Variants in RBFOX1 observed in about 807,000 individuals in gnomAD.
RBFOX1 encodes the protein RNA binding fox-1 homolog 1.
In RBFOX1, 8 loss-of-function variants were observed where a neutral mutation model predicts 57.7. The observed-to-expected ratio is 0.14, with a 90% CI of 0.08 to 0.25. The LOEUF is 0.25. Ranked by LOEUF, RBFOX1 falls within the 10% of genes least tolerant of loss-of-function variation. The pLI, the probability that RBFOX1 is intolerant of heterozygous loss-of-function variation, is 1.00. For synonymous variants in RBFOX1, 326 were observed against 222.4 expected, an observed-to-expected ratio of 1.47 and a Z score of -4.15; for missense variants, 611 against 548.5, an observed-to-expected ratio of 1.11 and a Z score of -1.14.
intron 3 of RBFOX1, among the ~76,000 whole-genome samples, chr16:6,809,542 C>T (rs1346990765): frequency 6.6e-6 from 1 of 152,138 alleles, no homozygotes; most frequent in Non-Finnish European, 1.5e-5. Flanking sequence ...AGTTTCTGTG[C>T]ACCTGAGACT....
chr16:5,527,017 TC>T (rs1393052326), intron 2 of RBFOX1, among the ~76,000 whole-genome samples: 3 of 152,180 alleles, frequency 2.0e-5, no homozygotes, highest in Non-Finnish European at 4.4e-5. Context: ...TGTGAAGTGT[TC>T]AGCATAGCGC....
chr16:6,660,286 C>T (rs2098692752), intron 3 of RBFOX1, among the ~76,000 whole-genome samples: 1 of 151,474 alleles, frequency 6.6e-6, no homozygotes, highest in Admixed American at 6.6e-5. Context: ...ATAGCTAATG[C>T]ATGCTGGGCT....
intron 1 of RBFOX1, among the ~76,000 whole-genome samples, chr16:5,304,293 A>T (rs11860008): frequency 2.6e-5 from 4 of 152,244 alleles, no homozygotes; most frequent in African/African-American, 9.6e-5. Flanking sequence ...ATCCTCTGCT[A>T]TGCCTTTTAG....
intron 3 of RBFOX1, among the ~76,000 whole-genome samples, chr16:6,729,097 T>A (rs1205855872): frequency 6.6e-6 from 1 of 152,156 alleles, no homozygotes; most frequent in Non-Finnish European, 1.5e-5. Context: ...TAGCTTCTGT[T>A]GAAATGGAGA....
chr16:5,384,675 G>C (rs982404338), intron 1 of RBFOX1, among the ~76,000 whole-genome samples: 6 of 152,164 alleles, frequency 3.9e-5, no homozygotes, highest in Non-Finnish European at 7.3e-5. Flanking sequence ...TTTCGGAGAA[G>C]AGCAAATGGG....
intron 4 of RBFOX1, among the ~76,000 whole-genome samples, chr16:7,307,492 T>G (rs2096217735): frequency 6.6e-6 from 1 of 152,354 alleles, no homozygotes; most frequent in East Asian, 1.9e-4. Flanking sequence ...GAAGCAACTT[T>G]GATGTTTACA....
chr16:6,636,808 TATATAATATATA>T (rs2098438414), intron 2 of RBFOX1, among the ~76,000 whole-genome samples: 1 of 9,694 alleles, frequency 1.0e-4, no homozygotes, highest in African/African-American at 1.1e-4. Context: ...TTATATATAA[TATATAATATATA>T]ATATATGTTA....
At chr16:6,339,945 G>A (rs532645784) in intron 2 of RBFOX1, among the ~76,000 whole-genome samples, 1 of 152,092 alleles carries the variant, frequency 6.6e-6, no homozygotes, top group South Asian at 2.1e-4. Context: ...CTAAAGTGCT[G>A]GGATTACAGG....
At chr16:6,742,824 G>A (rs1368426810) in intron 3 of RBFOX1, among the ~76,000 whole-genome samples, 11 of 152,058 alleles carry the variant, frequency 7.2e-5, no homozygotes, top group Admixed American at 1.3e-4. Flanking sequence ...CAGTATGGTG[G>A]GAGAAAAAAA....
At chr16:6,056,897 A>C (rs184752374) in intron 1 of RBFOX1, 1 of 152,026 alleles carries the variant, frequency 6.6e-6, no homozygotes, top group Non-Finnish European at 1.5e-5. Context: ...GAAAGAACAA[A>C]GACGGAGTGC....
At chr16:6,646,839 G>C (rs2098538417) in intron 2 of RBFOX1, among the ~76,000 whole-genome samples, 1 of 152,080 alleles carries the variant, frequency 6.6e-6, no homozygotes, top group Non-Finnish European at 1.5e-5. Flanking sequence ...TGTTTTTCCT[G>C]ACTCAGTGTC....
At chr16:5,998,127 T>C (rs1317512390) in intron 4 of RBFOX1, among the ~76,000 whole-genome samples, 1 of 152,190 alleles carries the variant, frequency 6.6e-6, no homozygotes, top group African/African-American at 2.4e-5. Flanking sequence ...GTTTCAAGTC[T>C]GTATAAACCT....
At chr16:7,139,927 A>C (rs773956693) in intron 4 of RBFOX1, among the ~76,000 whole-genome samples, 6 of 152,094 alleles carry the variant, frequency 3.9e-5, no homozygotes, top group Non-Finnish European at 7.4e-5. Context: ...GAAGGTAAAG[A>C]CATAAGCCTG....
At chr16:5,618,096 C>G (rs1035212981) in intron 3 of RBFOX1, among the ~76,000 whole-genome samples, 1 of 152,202 alleles carries the variant, frequency 6.6e-6, no homozygotes, top group African/African-American at 2.4e-5. Context: ...TACTACCACT[C>G]AGATCATGAT....
At chr16:6,872,963 G>C (rs141848213) in intron 3 of RBFOX1, among the ~76,000 whole-genome samples, 48 of 152,172 alleles carry the variant, frequency 3.2e-4, no homozygotes, top group African/African-American at 1.2e-3. Context: ...GGCCGCAGCT[G>C]GTCTTGAGTA....
chr16:7,609,728 G>A (rs749364408), intron 10 of RBFOX1, among the ~76,000 whole-genome samples: 1 of 152,194 alleles, frequency 6.6e-6, no homozygotes, highest in Non-Finnish European at 1.5e-5. Flanking sequence ...CTGGTCAGGA[G>A]GAGGCCAGAT....
intron 4 of RBFOX1, among the ~76,000 whole-genome samples, chr16:7,103,549 A>C (rs531115617): frequency 6.6e-6 from 1 of 152,136 alleles, no homozygotes; most frequent in Non-Finnish European, 1.5e-5. Context: ...CTGTGTATCA[A>C]ATGTATAGAT....
At chr16:7,597,048 T>C (rs1323885685) in intron 8 of RBFOX1, among the ~76,000 whole-genome samples, 1 of 152,244 alleles carries the variant, frequency 6.6e-6, no homozygotes, top group Non-Finnish European at 1.5e-5. Context: ...TTCTTGTTTC[T>C]GTGTTACCAT....
chr16:5,352,846 G>A (rs893363859), intron 1 of RBFOX1, among the ~76,000 whole-genome samples: 1 of 152,246 alleles, frequency 6.6e-6, no homozygotes, highest in African/African-American at 2.4e-5. Flanking sequence ...AGAAGGCTGA[G>A]GCAAGAGGAT....
Sources: gnomAD v4.1 joint callset for allele counts (sites outside exome capture counted in the v4.1 genomes callset) on GRCh38, gnomAD v4.1.1 for gene constraint, MANE v1.5 for transcripts, NCBI Gene and HGNC (gene_info 2026-07-23, HGNC 2026-07-21) for gene names.